The following NRCAM variants were observed in gnomAD, a reference collection of about 807,000 sequenced individuals.
NRCAM encodes neuronal cell adhesion molecule.
NRCAM carries 83 observed loss-of-function variants against 156.5 expected under a neutral mutation model. That is an observed-to-expected ratio of 0.53 (90% CI 0.44 to 0.64). The LOEUF is 0.64. Among genes scored for constraint, NRCAM ranks in the 30% least tolerant of loss-of-function variants. The pLI is 0.00. For synonymous variants in NRCAM, 538 were observed against 563.9 expected, an observed-to-expected ratio of 0.95 and a Z score of 0.65; for missense variants, 1,417 against 1,597.3, an observed-to-expected ratio of 0.89 and a Z score of 1.92.
chr7:108,219,145 C>T (rs2091088937), intron 11 of NRCAM, among the ~76,000 whole-genome samples: 1 of 152,060 alleles, frequency 6.6e-6, no homozygotes, highest in African/African-American at 2.4e-5. Context: ...TACAACCCTC[C>T]TAGCTTAAAT....
intron 2 of NRCAM, among the ~76,000 whole-genome samples, chr7:108,366,479 T>C (rs2099592410): frequency 6.6e-6 from 1 of 152,230 alleles, no homozygotes; most frequent in Non-Finnish European, 1.5e-5. Context: ...CAGTGTAAGG[T>C]AGAGATGAAA....
At chr7:108,189,577 G>T in intron 20 of NRCAM, 68 bp downstream of exon 20, 1 of 739,168 alleles carries the variant, frequency 1.4e-6, no homozygotes, top group South Asian at 1.5e-5. Context: ...AAATTCAGCT[G>T]ACTGTTACAA....
At chr7:108,395,179 A>G (rs2099773393) in intron 2 of NRCAM, among the ~76,000 whole-genome samples, 1 of 152,210 alleles carries the variant, frequency 6.6e-6, no homozygotes, top group Non-Finnish European at 1.5e-5. Flanking sequence ...CTATTAACTA[A>G]GGCAAAAACA....
At chr7:108,184,359 G>A (rs1265509975) in intron 21 of NRCAM, 48 bp from the exon 22 acceptor site, 2 of 1,613,274 alleles carry the variant, frequency 1.2e-6, no homozygotes, top group Non-Finnish European at 1.7e-6. Flanking sequence ...CTTTTGCGAA[G>A]AGTGGAAAAC....
intron 1 of NRCAM, among the ~76,000 whole-genome samples, chr7:108,432,150 G>A (rs781021275): frequency 3.4e-4 from 52 of 152,156 alleles, no homozygotes; most frequent in Non-Finnish European, 2.8e-4. Context: ...CTTACAGAAT[G>A]TTTACCGTCT....
At chr7:108,447,404 T>C (rs1003238366) in intron 1 of NRCAM, among the ~76,000 whole-genome samples, 1 of 151,880 alleles carries the variant, frequency 6.6e-6, no homozygotes, top group Non-Finnish European at 1.5e-5. Flanking sequence ...TAGCTGGGAT[T>C]ACAGGCACGC....
rs11417635 is a variant in NRCAM at position 108,304,389 on chromosome 7, C to CTTT, written c.-107+8273_-107+8275dup. ...TAACCATCAATAATGCTATTCCATG[C>CTTT]TTTTTTTTTTTTGATGTACATATGT... On this transcript the variant is annotated intron_variant, in intron 3 of 32. Transcript: ENST00000379028. Among the ~76,000 whole-genome samples, 776 of 147,284 alleles carry CTTT rather than the reference C, an allele frequency of 5.3e-3. 6 individuals are homozygous for CTTT. Among genetic ancestry groups the CTTT allele is most frequent in the African/African-American group, 0.018 (738 of 40,120 alleles).
chr7:108,182,204 C>T (rs532998116), intron 23 of NRCAM, among the ~76,000 whole-genome samples: 9 of 152,078 alleles, frequency 5.9e-5, no homozygotes, highest in South Asian at 2.1e-4. Flanking sequence ...TAGGAAAACA[C>T]GATTTTTTAA....
At position 108,177,971 on chromosome 7, in the gene NRCAM, C is replaced by T. The variant is rs1185288018; in HGVS notation, c.2974+19G>A. On this transcript the variant is annotated intron_variant, in intron 26 of 32. Transcript: ENST00000379028. ...AATAAAAAAACATATTTCCCCTTCTCTTCCTCCCAACAGCTTACTTGGCTG... is the reference window on the plus strand; with the variant it reads ...AATAAAAAAACATATTTCCCCTTCTTTTCCTCCCAACAGCTTACTTGGCTG... The T allele has an allele frequency of 6.4e-7, 1 of 1,574,198 alleles. No individual in the cohort carries two copies. The highest frequency in any genetic ancestry group is 1.2e-5 in the South Asian group (1 of 82,908).
intron 3 of NRCAM, among the ~76,000 whole-genome samples, chr7:108,306,135 T>A (rs1453998872): frequency 1.3e-5 from 2 of 152,178 alleles, no homozygotes; most frequent in Non-Finnish European, 2.9e-5. Flanking sequence ...CTTTGAATAG[T>A]CTTGTCACTA....
At chr7:108,200,104 A>G (rs575463204) in intron 13 of NRCAM, among the ~76,000 whole-genome samples, 1 of 152,326 alleles carries the variant, frequency 6.6e-6, no homozygotes, top group East Asian at 1.9e-4. Flanking sequence ...TCAGTAACTC[A>G]TTTATGAAAT....
At chr7:108,452,567 G>C (rs568511732) in intron 1 of NRCAM, among the ~76,000 whole-genome samples, 153 of 152,228 alleles carry the variant, frequency 1.0e-3, no homozygotes, top group Middle Eastern at 3.4e-3. Flanking sequence ...CTGCCAGGAA[G>C]GTTCCTGGAA....
intron 3 of NRCAM, among the ~76,000 whole-genome samples, chr7:108,297,679 T>TA (rs1263130723): frequency 6.6e-6 from 1 of 151,394 alleles, no homozygotes; most frequent in African/African-American, 2.4e-5. Flanking sequence ...GAGGGAAACA[T>TA]AAAAAAAACA....
In NRCAM at chr7:108,244,359, A is replaced by G. The variant is rs554187974; in HGVS notation, c.-106-4189T>C. Among the ~76,000 whole-genome samples, 4 of 152,270 alleles carry G rather than the reference A, an allele frequency of 2.6e-5. No homozygotes were observed. In the South Asian group the frequency reaches 8.3e-4, roughly 32 times the overall value. On this transcript the variant is annotated intron_variant, in intron 3 of 32. Transcript: ENST00000379028. ...ATCAGTGGCTCGCCTCAGTGACTGGATAACTAAGTGGGTAGGACATCATCT... is the reference window on the plus strand; with the variant it reads ...ATCAGTGGCTCGCCTCAGTGACTGGGTAACTAAGTGGGTAGGACATCATCT...
chr7:108,157,915 T>C (rs2046539507), intron 32 of NRCAM, among the ~76,000 whole-genome samples: 1 of 152,120 alleles, frequency 6.6e-6, no homozygotes, highest in African/African-American at 2.4e-5. Context: ...CAGGGCCACA[T>C]TAAAGATTTT....
chr7:108,275,182 T>C (rs2097546633), intron 3 of NRCAM, among the ~76,000 whole-genome samples: 1 of 152,190 alleles, frequency 6.6e-6, no homozygotes, highest in African/African-American at 2.4e-5. Context: ...TCATCACAGA[T>C]ATTGGCCTAA....
chr7:108,380,670 T>C (rs1281112779), intron 2 of NRCAM, among the ~76,000 whole-genome samples: 1 of 152,184 alleles, frequency 6.6e-6, no homozygotes, highest in Non-Finnish European at 1.5e-5. Context: ...AGTTTTCTTG[T>C]GTGATTGGTC....
intron 1 of NRCAM, among the ~76,000 whole-genome samples, chr7:108,425,339 T>A (rs532803689): frequency 3.3e-5 from 5 of 152,336 alleles, no homozygotes; most frequent in African/African-American, 9.6e-5. Context: ...TTTCTCCCAA[T>A]ATACATGGAG....
intron 2 of NRCAM, among the ~76,000 whole-genome samples, chr7:108,322,266 A>G (rs920175938): frequency 1.3e-5 from 2 of 152,186 alleles, no homozygotes; most frequent in African/African-American, 2.4e-5. Context: ...CCCTCACTTT[A>G]TATTTCCTCA....
Sources: allele counts gnomAD v4.1 joint callset (sites outside exome capture counted in the v4.1 genomes callset), GRCh38; gene constraint gnomAD v4.1.1; transcripts MANE v1.5; gene names NCBI Gene and HGNC (gene_info 2026-07-23, HGNC 2026-07-21).